FTO: variants seen among roughly 807,000 people sequenced by gnomAD.
The protein encoded by FTO is FTO alpha-ketoglutarate dependent dioxygenase, also known as alpha-ketoglutarate-dependent dioxygenase FTO.
Under a neutral mutation model 63.9 loss-of-function variants are expected in FTO, and 47 were observed. That is an observed-to-expected ratio of 0.74 (90% CI 0.58 to 0.94). The LOEUF (loss-of-function observed/expected upper bound fraction) is 0.94, where lower values mean the gene tolerates loss of function less well. Among genes scored for constraint, FTO ranks in the 40% least tolerant of loss-of-function variants. The pLI is 0.00. For missense variants in FTO, 562 were observed against 618.1 expected, an observed-to-expected ratio of 0.91 and a Z score of 0.96; for synonymous variants, 207 against 224.4, an observed-to-expected ratio of 0.92 and a Z score of 0.69.
At chr16:53,769,783 A>G (rs554138049) in intron 1 of FTO, among the ~76,000 whole-genome samples, 1 of 152,116 alleles carries the variant, frequency 6.6e-6, no homozygotes, top group Non-Finnish European at 1.5e-5. Flanking sequence ...ATGTAACAGT[A>G]ATGAGTAGGT....
rs575334573 is a variant in FTO at position 53,981,217 on chromosome 16, C to A, written c.1364+47108C>A. On this transcript the variant is annotated intron_variant, in intron 8 of 8. Coordinates refer to ENST00000471389, the MANE Select transcript of FTO (RefSeq NM_001080432.3). ...GTGTGTGCCTGTAGGCCCAGCTAAT[C>A]AGAAGGCTGAGGCGGGAGGATCGCG... 2.6e-5 allele frequency: 4 copies of A among 152,554 alleles called. No homozygotes were observed. The South Asian group carries it at 8.3e-4, about 32-fold the overall frequency. 9.5% of individuals were successfully genotyped at this position (152,554 alleles called of 1,614,324 possible).
At chr16:53,950,179 A>AAAAC (rs201710707) in intron 8 of FTO, among the ~76,000 whole-genome samples, 7 of 145,800 alleles carry the variant, frequency 4.8e-5, no homozygotes, top group African/African-American at 7.5e-5. Context: ...AAAAAAAAAA[A>AAAAC]CTTAATCCAT....
At chr16:53,741,525 T>TA (rs1190111051) in intron 1 of FTO, among the ~76,000 whole-genome samples, 1 of 152,196 alleles carries the variant, frequency 6.6e-6, no homozygotes, top group African/African-American at 2.4e-5. Context: ...TAGTAGTACT[T>TA]ACTATATGAA....
At chr16:53,827,068 C>A (rs964219393) in intron 3 of FTO, among the ~76,000 whole-genome samples, 13 of 152,182 alleles carry the variant, frequency 8.5e-5, no homozygotes, top group Non-Finnish European at 1.3e-4. Flanking sequence ...GTTTTGTAAG[C>A]AGACAGTCCT....
intron 6 of FTO, among the ~76,000 whole-genome samples, chr16:53,882,596 A>G (rs1558756): frequency 0.66 from 99,850 of 151,938 alleles, 33,810 homozygotes; most frequent in East Asian, 0.91. Context: ...TGTTTGAGTG[A>G]AGGGAGTAAG....
At chr16:53,980,826 T>C (rs1475368045) in intron 8 of FTO, among the ~76,000 whole-genome samples, 1 of 152,150 alleles carries the variant, frequency 6.6e-6, no homozygotes, top group Non-Finnish European at 1.5e-5. Context: ...AATAGCGGCA[T>C]TGTTTCTCTT....
chr16:53,881,083 C>T (rs1039536287), intron 6 of FTO, among the ~76,000 whole-genome samples: 2 of 150,468 alleles, frequency 1.3e-5, no homozygotes, highest in African/African-American at 4.9e-5. Flanking sequence ...GATCGCGTGA[C>T]TGCACTCCAG....
At chr16:53,955,292 T>C (rs989854749) in intron 8 of FTO, among the ~76,000 whole-genome samples, 3 of 152,170 alleles carry the variant, frequency 2.0e-5, no homozygotes, top group Non-Finnish European at 4.4e-5. Flanking sequence ...CCACAGCCTG[T>C]TTCTTGTGCT....
intron 8 of FTO, among the ~76,000 whole-genome samples, chr16:54,020,222 A>G (rs1407590964): frequency 6.6e-6 from 1 of 152,208 alleles, no homozygotes; most frequent in African/African-American, 2.4e-5. Context: ...TGGATTATAG[A>G]GTACAGATAT....
intron 1 of FTO, among the ~76,000 whole-genome samples, chr16:53,740,442 A>G (rs79977114): frequency 0.042 from 6,455 of 152,338 alleles, 183 homozygotes; most frequent in African/African-American, 0.084. Context: ...ATATTTTCTG[A>G]AAATATGAAA....
chr16:53,768,232 A>T (rs1041597402), intron 1 of FTO, among the ~76,000 whole-genome samples: 13 of 152,216 alleles, frequency 8.5e-5, no homozygotes, highest in African/African-American at 3.1e-4. Context: ...TTGATCCTTC[A>T]TATGGTTACA....
At chr16:54,090,658 C>T (rs1167162702) in intron 8 of FTO, among the ~76,000 whole-genome samples, 1 of 152,186 alleles carries the variant, frequency 6.6e-6, no homozygotes, top group Non-Finnish European at 1.5e-5. Context: ...AACGCTATTT[C>T]AGTTATGCAT....
intron 1 of FTO, among the ~76,000 whole-genome samples, chr16:53,766,214 T>C (rs937919594): frequency 4.6e-5 from 7 of 152,102 alleles, no homozygotes; most frequent in African/African-American, 1.7e-4. Flanking sequence ...AGTAACTAGA[T>C]TGGTTTTGTT....
intron 1 of FTO, among the ~76,000 whole-genome samples, chr16:53,705,789 A>G (rs563343676): frequency 1.1e-4 from 17 of 152,350 alleles, no homozygotes; most frequent in African/African-American, 3.4e-4. Context: ...TGTCTTTCTC[A>G]TCTTTCAGGT....
intron 8 of FTO, among the ~76,000 whole-genome samples, chr16:53,976,506 G>A (rs1289156283): frequency 9.9e-5 from 15 of 151,756 alleles, no homozygotes; most frequent in African/African-American, 2.9e-4. Context: ...AGATATTATA[G>A]GGCCTTCCCT....
Position 54,121,235 on chromosome 16 carries a change from TTG to T in FTO, c.*9322_*9323del, listed in dbSNP as rs1460819989. 6.6e-6 allele frequency: 1 copy of T among 152,240 alleles called. No individual in the cohort carries two copies. The highest frequency in any genetic ancestry group is 2.4e-5 in the African/African-American group (1 of 41,474). 9.4% of individuals were successfully genotyped at this position (152,240 alleles called of 1,614,324 possible). On this transcript the variant is annotated 3_prime_UTR_variant, in exon 9 of 9. Coordinates refer to ENST00000471389, the MANE Select transcript of FTO (RefSeq NM_001080432.3). ...AACTGTAGTCTAGCTCCAAGGATTGTTGTATCACCTGTGATCGTGCCTATTAA... is the reference window on the plus strand; with the variant it reads ...AACTGTAGTCTAGCTCCAAGGATTGTTATCACCTGTGATCGTGCCTATTAA...
chr16:53,971,592 T>A (rs1307762880), intron 8 of FTO, among the ~76,000 whole-genome samples: 8 of 152,246 alleles, frequency 5.3e-5, no homozygotes, highest in African/African-American at 1.9e-4. Flanking sequence ...GTTTGCTTTG[T>A]GTATATGTGT....
At chr16:53,916,054 G>C (rs916071274) in intron 7 of FTO, among the ~76,000 whole-genome samples, 3 of 152,152 alleles carry the variant, frequency 2.0e-5, no homozygotes, top group Non-Finnish European at 4.4e-5. Flanking sequence ...CAACCACACT[G>C]GCTTTCTAAA....
intron 8 of FTO, chr16:54,071,529 C>T (rs2085869695): frequency 6.6e-6 from 1 of 152,226 alleles, no homozygotes; most frequent in Non-Finnish European, 1.5e-5. Context: ...AGCTCTGTGG[C>T]CTGAAACTGA....
Sources: allele counts gnomAD v4.1 joint callset (sites outside exome capture counted in the v4.1 genomes callset), GRCh38; gene constraint gnomAD v4.1.1; transcripts MANE v1.5; gene names NCBI Gene and HGNC (gene_info 2026-07-23, HGNC 2026-07-21).